ADAMTS18: variants seen among roughly 807,000 people sequenced by gnomAD.
ADAMTS18 encodes ADAM metallopeptidase with thrombospondin type 1 motif 18.
In ADAMTS18, 157 loss-of-function variants were observed where a neutral mutation model predicts 165.9. The ratio of observed to expected loss-of-function variants is 0.95; its 90% CI spans 0.83 to 1.08. The LOEUF (loss-of-function observed/expected upper bound fraction) is 1.08, where lower values mean the gene tolerates loss of function less well. ADAMTS18 is among the 50% of genes least tolerant of loss of function. The pLI, the probability that ADAMTS18 is intolerant of heterozygous loss-of-function variation, is 0.00. For missense variants in ADAMTS18, 2,040 were observed against 1,534.0 expected (o/e 1.33, Z -5.51); for synonymous variants, 782 against 578.2 (o/e 1.35, Z -5.06).
At chr16:77,405,659 G>A (rs1020954506) in intron 3 of ADAMTS18, among the ~76,000 whole-genome samples, 1 of 152,134 alleles carries the variant, frequency 6.6e-6, no homozygotes, top group Non-Finnish European at 1.5e-5. Flanking sequence ...ACAACAGAAA[G>A]TTATTTTCTT....
At chr16:77,318,506 TC>T (rs2144633635) in intron 16 of ADAMTS18, among the ~76,000 whole-genome samples, 1 of 152,270 alleles carries the variant, frequency 6.6e-6, no homozygotes, top group East Asian at 1.9e-4. Flanking sequence ...ATACCTACCT[TC>T]CTAAGGTGGT....
intron 16 of ADAMTS18, among the ~76,000 whole-genome samples, chr16:77,308,593 A>C (rs970458746): frequency 2.1e-5 from 3 of 141,082 alleles, no homozygotes; most frequent in South Asian, 2.2e-4. Context: ...AAAAAAAAAA[A>C]AACTTGTGTA....
At chr16:77,382,949 T>C (rs1048159647) in intron 3 of ADAMTS18, among the ~76,000 whole-genome samples, 1 of 152,202 alleles carries the variant, frequency 6.6e-6, no homozygotes, top group Non-Finnish European at 1.5e-5. Flanking sequence ...CCATGTAAGT[T>C]GTGTGCTTTA....
intron 3 of ADAMTS18, among the ~76,000 whole-genome samples, chr16:77,385,416 G>C (rs926522849): frequency 6.6e-6 from 1 of 152,200 alleles, no homozygotes; most frequent in Non-Finnish European, 1.5e-5. Context: ...AGCTGGTGCT[G>C]CATAAATAGC....
chr16:77,430,976 T>C (rs1350792051), intron 3 of ADAMTS18, among the ~76,000 whole-genome samples: 1 of 152,224 alleles, frequency 6.6e-6, no homozygotes, highest in Non-Finnish European at 1.5e-5. Flanking sequence ...ATTTATAGAA[T>C]GCCTGGTCTC....
chr16:77,284,768 T>G (rs1026143427), intron 22 of ADAMTS18, among the ~76,000 whole-genome samples: 1 of 152,124 alleles, frequency 6.6e-6, no homozygotes, highest in Non-Finnish European at 1.5e-5. Context: ...CCTAAGGATA[T>G]TGTTGTACCA....
At chr16:77,418,258 C>T (rs1191635051) in intron 3 of ADAMTS18, among the ~76,000 whole-genome samples, 1 of 152,098 alleles carries the variant, frequency 6.6e-6, no homozygotes, top group Non-Finnish European at 1.5e-5. Flanking sequence ...AATCATTATT[C>T]ATAATGACAA....
At chr16:77,390,610 A>G (rs1487115568) in intron 3 of ADAMTS18, among the ~76,000 whole-genome samples, 1 of 152,020 alleles carries the variant, frequency 6.6e-6, no homozygotes, top group African/African-American at 2.4e-5. Flanking sequence ...GAATTGCCTG[A>G]ACCCGGCAGA....
intron 16 of ADAMTS18, among the ~76,000 whole-genome samples, chr16:77,312,228 C>G (rs2055795559): frequency 6.6e-6 from 1 of 151,794 alleles, no homozygotes; most frequent in Non-Finnish European, 1.5e-5. Context: ...TCAAAAAAAA[C>G]TTTTCTTTTT....
At chr16:77,287,833 C>A (rs891994095) in intron 22 of ADAMTS18, among the ~76,000 whole-genome samples, 12 of 152,168 alleles carry the variant, frequency 7.9e-5, no homozygotes, top group African/African-American at 2.7e-4. Context: ...ATTCCAGCAC[C>A]ACAGGTAGAA....
At chr16:77,432,802 C>A (rs1472050270) in intron 2 of ADAMTS18, among the ~76,000 whole-genome samples, 1 of 151,980 alleles carries the variant, frequency 6.6e-6, no homozygotes, top group African/African-American at 2.4e-5. Context: ...TAGTGGAGCC[C>A]CTGTAGCTAG....
chr16:77,311,245 T>C (rs1019216668), intron 16 of ADAMTS18, among the ~76,000 whole-genome samples: 9 of 152,244 alleles, frequency 5.9e-5, no homozygotes, highest in African/African-American at 2.4e-5. Context: ...CTTTCATTCA[T>C]AGATTTATTC....
At position 77,291,436 on chromosome 16, in the gene ADAMTS18, T is replaced by A. The variant is rs769844220; in HGVS notation, c.3232A>T (p.Lys1078Ter). The A allele has an allele frequency of 1.2e-6, 2 of 1,614,190 alleles. No homozygotes were observed. Among genetic ancestry groups the A allele is most frequent in the Non-Finnish European group, 1.7e-6 (2 of 1,180,016 alleles). ...CCCTGGAAGCCCTTCTCGCTGCACT[T>A]CATCTCCCTCTTCCTCACACCCAAA... ...CGLGVRKREM[K>*]CSEKGFQGKL... The change falls in exon 21 of 23, where the codon AAG (lysine) becomes TAG (stop). Residue 1078 changes from lysine to a stop codon, truncating the protein, a stop_gained. Coordinates refer to ENST00000282849, the MANE Select transcript of ADAMTS18 (RefSeq NM_199355.4). LOFTEE classifies it high-confidence loss of function.
chr16:77,347,241 C>A (rs1460734852), intron 10 of ADAMTS18, among the ~76,000 whole-genome samples: 2 of 152,152 alleles, frequency 1.3e-5, no homozygotes, highest in African/African-American at 2.4e-5. Context: ...TTCTATGAAT[C>A]AAATAGTAGC....
At chr16:77,348,641 T>C (rs544760108) in intron 10 of ADAMTS18, among the ~76,000 whole-genome samples, 1 of 152,206 alleles carries the variant, frequency 6.6e-6, no homozygotes, top group Non-Finnish European at 1.5e-5. Flanking sequence ...CATGTGAGCT[T>C]TGGTTATCAC....
intron 3 of ADAMTS18, among the ~76,000 whole-genome samples, chr16:77,411,194 C>T (rs751352271): frequency 6.6e-6 from 1 of 152,160 alleles, no homozygotes; most frequent in Non-Finnish European, 1.5e-5. Flanking sequence ...CATTCATACT[C>T]GCTGCCATCC....
chr16:77,422,927 G>A (rs1459087774), intron 3 of ADAMTS18, among the ~76,000 whole-genome samples: 1 of 152,160 alleles, frequency 6.6e-6, no homozygotes, highest in Non-Finnish European at 1.5e-5. Context: ...AACTCTCCCA[G>A]AGAGGTTCAG....
rs2055315375 is a variant in ADAMTS18, at chr16:77,289,255, C to A, written c.3550+9G>T. 2 of 1,614,054 alleles carry A rather than the reference C, an allele frequency of 1.2e-6. No homozygotes were observed. ...TAGTAAAGTTGACTGGAGCATGGTG[C>A]CTTTTTACCTCTCTTTTCAGGAGCT... On this transcript the variant is annotated intron_variant, in intron 22 of 22. Transcript: ENST00000282849.
At chr16:77,380,800 A>C (rs2057019358) in intron 3 of ADAMTS18, among the ~76,000 whole-genome samples, 1 of 152,136 alleles carries the variant, frequency 6.6e-6, no homozygotes, top group Non-Finnish European at 1.5e-5. Context: ...CAGGCACCGC[A>C]CATAGCATTT....
Sources: allele counts gnomAD v4.1 joint callset (sites outside exome capture counted in the v4.1 genomes callset), GRCh38; gene constraint gnomAD v4.1.1; transcripts MANE v1.5; gene names NCBI Gene and HGNC (gene_info 2026-07-23, HGNC 2026-07-21).